Variants in NPAS3 observed in about 807,000 individuals in gnomAD.
NPAS3 encodes the protein neuronal PAS domain-containing protein 3.
A neutral mutation model predicts 73.1 loss-of-function variants in NPAS3; 14 were observed. That is an observed-to-expected ratio of 0.19 (90% CI 0.13 to 0.30). The LOEUF (loss-of-function observed/expected upper bound fraction) is 0.30, where lower values mean the gene tolerates loss of function less well. NPAS3 is among the 10% of genes least tolerant of loss of function. NPAS3 has a pLI of 1.00. For synonymous variants in NPAS3, 620 were observed against 541.5 expected, an observed-to-expected ratio of 1.14 and a Z score of -2.01; for missense variants, 1,096 against 1,250.0, an observed-to-expected ratio of 0.88 and a Z score of 1.86.
rs548462703 is a variant in NPAS3, at chr14:33,470,798, A to G, written c.469-89323A>G. 5.1e-4 allele frequency among the ~76,000 whole-genome samples: 78 copies of G among 152,292 alleles called. 2 individuals carry two copies. Among genetic ancestry groups the G allele is most frequent in the African/African-American group, 1.0e-3 (42 of 41,552 alleles). ...TTCCTTCCCTATGGAATCCAACTGAAGTTAACTAGACACACTTTAAGAAAG... is the reference window on the plus strand; with the variant it reads ...TTCCTTCCCTATGGAATCCAACTGAGGTTAACTAGACACACTTTAAGAAAG... On this transcript the variant is annotated intron_variant, in intron 4 of 11. Coordinates refer to ENST00000356141, the Ensembl canonical transcript of NPAS3.
intron 6 of NPAS3, among the ~76,000 whole-genome samples, chr14:33,685,521 A>C (rs1276935165): frequency 2.0e-5 from 3 of 152,148 alleles, no homozygotes; most frequent in Non-Finnish European, 4.4e-5. Flanking sequence ...AGGTTCACAG[A>C]AATACTAGTC....
chr14:33,180,999 C>A (rs2045779145), intron 2 of NPAS3, among the ~76,000 whole-genome samples: 1 of 152,038 alleles, frequency 6.6e-6, no homozygotes, highest in Non-Finnish European at 1.5e-5. Context: ...ACTCTGATTT[C>A]ATGAAGAGTC....
chr14:33,460,413 T>C, intron 4 of NPAS3, among the ~76,000 whole-genome samples: 1 of 152,210 alleles, frequency 6.6e-6, no homozygotes. Flanking sequence ...CTCTGTTTTA[T>C]TTTGCACTAT....
chr14:33,568,356 A>G (rs1446827425), intron 5 of NPAS3, among the ~76,000 whole-genome samples: 1 of 152,202 alleles, frequency 6.6e-6, no homozygotes, highest in Non-Finnish European at 1.5e-5. Context: ...CTGGAAAGCA[A>G]TATGCATTTC....
At chr14:33,436,612 C>A (rs2049000894) in intron 4 of NPAS3, among the ~76,000 whole-genome samples, 1 of 152,130 alleles carries the variant, frequency 6.6e-6, no homozygotes, top group Non-Finnish European at 1.5e-5. Context: ...TATTGTCTAC[C>A]ATTCTGTATC....
In NPAS3 at chr14:33,677,956, C is replaced by T. The variant is rs1003048542; in HGVS notation, c.733+1571C>T. ...ATATTTGAGAAACAGCACATGCAAA[C>T]GGTTTTCTACTCTTTCATCCTGATG... On this transcript the variant is annotated intron_variant, in intron 6 of 11. Coordinates refer to ENST00000356141, the Ensembl canonical transcript of NPAS3. 3.3e-5 allele frequency among the ~76,000 whole-genome samples: 5 copies of T among 152,078 alleles called. No homozygotes were observed. The East Asian group carries it at 7.7e-4, about 23-fold the overall frequency.
intron 4 of NPAS3, among the ~76,000 whole-genome samples, chr14:33,464,226 T>C (rs1191803269): frequency 6.6e-6 from 1 of 152,194 alleles, no homozygotes; most frequent in Admixed American, 6.5e-5. Context: ...CAAATCTACA[T>C]GTTGGCCCCT....
chr14:33,472,466 CT>C (rs1438599658), intron 4 of NPAS3, among the ~76,000 whole-genome samples: 28 of 152,230 alleles, frequency 1.8e-4, no homozygotes, highest in African/African-American at 6.3e-4. Context: ...TGAATTATAT[CT>C]CAATAAAGCT....
intron 4 of NPAS3, among the ~76,000 whole-genome samples, chr14:33,440,046 G>A (rs1293386295): frequency 6.6e-6 from 1 of 151,172 alleles, no homozygotes; most frequent in East Asian, 2.0e-4. Flanking sequence ...AACCCAGGAG[G>A]CAGAGCTTGC....
At chr14:33,491,457 C>T (rs1203998334) in intron 4 of NPAS3, among the ~76,000 whole-genome samples, 4 of 152,100 alleles carry the variant, frequency 2.6e-5, no homozygotes, top group Non-Finnish European at 4.4e-5. Context: ...CTATTTTGCA[C>T]AGTCTAAGAT....
At chr14:33,112,297 G>A (rs1397761254) in intron 2 of NPAS3, among the ~76,000 whole-genome samples, 1 of 152,180 alleles carries the variant, frequency 6.6e-6, no homozygotes, top group Non-Finnish European at 1.5e-5. Flanking sequence ...CAGTGTAAAA[G>A]TGTTCCTATT....
intron 3 of NPAS3, among the ~76,000 whole-genome samples, chr14:33,277,362 T>C (rs528047808): frequency 6.6e-6 from 1 of 152,292 alleles, no homozygotes; most frequent in South Asian, 2.1e-4. Context: ...CAATTATTTA[T>C]TTTTCAGAAT....
chr14:33,495,666 G>T (rs564970420), intron 4 of NPAS3, among the ~76,000 whole-genome samples: 115 of 152,148 alleles, frequency 7.6e-4, no homozygotes, highest in African/African-American at 2.6e-3. Flanking sequence ...ACTGTGTTAG[G>T]TGCATATATA....
intron 4 of NPAS3, among the ~76,000 whole-genome samples, chr14:33,518,618 T>C (rs533822023): frequency 2.8e-4 from 42 of 148,966 alleles, no homozygotes; most frequent in South Asian, 4.4e-4. Context: ...TTTGGCATGT[T>C]ACCATGCCTT....
In NPAS3 at chr14:33,371,731, A is replaced by G. The variant is rs562090782; in HGVS notation, c.468+4463A>G. ...GCAAAGAGAAGATAAAATATTGAAA[A>G]GCATATTTTCTAAAAAGAAAAGCCT... On this transcript the variant is annotated intron_variant, in intron 4 of 11. Transcript: ENST00000356141. Among the ~76,000 whole-genome samples, 3 of 152,314 alleles carry G rather than the reference A, an allele frequency of 2.0e-5. No homozygotes were observed. In the South Asian group the frequency reaches 6.2e-4, roughly 32 times the overall value.
chr14:33,205,253 T>A (rs983227531), intron 2 of NPAS3, among the ~76,000 whole-genome samples: 1 of 152,210 alleles, frequency 6.6e-6, no homozygotes, highest in African/African-American at 2.4e-5. Context: ...GTTGAACATA[T>A]TGTATTTTCT....
intron 4 of NPAS3, among the ~76,000 whole-genome samples, chr14:33,509,680 G>A (rs1294910427): frequency 2.6e-5 from 4 of 151,990 alleles, no homozygotes; most frequent in Non-Finnish European, 5.9e-5. Context: ...TGGAAGGAAA[G>A]AGTAACAAGT....
intron 6 of NPAS3, among the ~76,000 whole-genome samples, chr14:33,678,143 G>A (rs1421320862): frequency 6.6e-6 from 1 of 152,102 alleles, no homozygotes; most frequent in Non-Finnish European, 1.5e-5. Context: ...TCCAACATAC[G>A]CAGCCAAATC....
chr14:33,468,141 G>A (rs577536261), intron 4 of NPAS3, among the ~76,000 whole-genome samples: 8 of 152,224 alleles, frequency 5.3e-5, no homozygotes, highest in South Asian at 4.1e-4. Flanking sequence ...GAATGGTGAC[G>A]TCAAATGCTT....
Sources: gnomAD v4.1 joint callset for allele counts (sites outside exome capture counted in the v4.1 genomes callset) on GRCh38, gnomAD v4.1.1 for gene constraint, MANE v1.5 for transcripts, NCBI Gene and HGNC (gene_info 2026-07-23, HGNC 2026-07-21) for gene names.